The following STK3 variants were observed in gnomAD, a reference collection of about 807,000 sequenced individuals.
STK3 encodes the protein serine/threonine kinase 3.
Under a neutral mutation model 58.0 loss-of-function variants are expected in STK3, and 41 were observed. That is an observed-to-expected ratio of 0.71 (90% CI 0.55 to 0.92). The LOEUF is 0.92. STK3 is among the 40% of genes least tolerant of loss of function. The pLI is 0.00. For synonymous variants in STK3, 170 were observed against 191.0 expected (o/e 0.89, Z 0.91); for missense variants, 479 against 602.7 (o/e 0.79, Z 2.15).
intron 6 of STK3, among the ~76,000 whole-genome samples, chr8:98,632,879 T>C (rs77912007): frequency 0.013 from 1,949 of 152,258 alleles, 33 homozygotes; most frequent in African/African-American, 0.044. Flanking sequence ...TTATTAAATA[T>C]AGATATGTCC....
chr8:98,822,506 G>A (rs1189441088), intron 1 of STK3, among the ~76,000 whole-genome samples: 2 of 151,936 alleles, frequency 1.3e-5, no homozygotes, highest in Non-Finnish European at 2.9e-5. Context: ...CTAAAATTTT[G>A]TAATAAAATA....
intron 6 of STK3, among the ~76,000 whole-genome samples, chr8:98,601,158 C>G (rs1367297768): frequency 6.6e-6 from 1 of 151,970 alleles, no homozygotes; most frequent in African/African-American, 2.4e-5. Flanking sequence ...CTAGGCAACA[C>G]AATGAGATCC....
At chr8:98,637,155 A>G (rs1819688474) in intron 6 of STK3, among the ~76,000 whole-genome samples, 1 of 152,060 alleles carries the variant, frequency 6.6e-6, no homozygotes, top group Admixed American at 6.6e-5. Context: ...TAAAAGTCCA[A>G]ATACTGATCT....
Position 98,593,780 on chromosome 8 carries a change from A to G in STK3, c.822+2252T>C, listed in dbSNP as rs146583886. ...CCTGGTGCCAAAAAGGTTGGGGACA[A>G]CTAATTTAAATCATAACAGATAAGA... is the stretch of plus-strand genomic sequence containing the variant. On this transcript the variant is annotated intron_variant, in intron 7 of 10. Transcript: ENST00000419617. Among the ~76,000 whole-genome samples the G allele has an allele frequency of 9.2e-3, 1,402 of 152,302 alleles. 18 individuals carry two copies. The highest frequency in any genetic ancestry group is 0.032 in the African/African-American group (1,325 of 41,564).
At chr8:98,834,514 G>T (rs1237243404) in intron 3 of STK3, among the ~76,000 whole-genome samples, 1 of 152,210 alleles carries the variant, frequency 6.6e-6, no homozygotes, top group Admixed American at 6.5e-5. Flanking sequence ...ATACATGTTT[G>T]TTGGATAAAT....
intron 7 of STK3, among the ~76,000 whole-genome samples, chr8:98,594,004 C>T (rs1195995056): frequency 6.6e-6 from 1 of 152,112 alleles, no homozygotes; most frequent in Non-Finnish European, 1.5e-5. Context: ...CTTTGGACTA[C>T]TTTAAAATAC....
At chr8:98,573,309 G>C (rs928291147) in intron 8 of STK3, among the ~76,000 whole-genome samples, 1 of 152,190 alleles carries the variant, frequency 6.6e-6, no homozygotes, top group Non-Finnish European at 1.5e-5. Context: ...TTGATTCACA[G>C]TTCCACATGG....
upstream of STK3, among the ~76,000 whole-genome samples, chr8:98,828,309 C>T (rs1455150327): frequency 5.3e-5 from 8 of 151,668 alleles, no homozygotes; most frequent in African/African-American, 1.2e-4. Flanking sequence ...TCAGAGAAAC[C>T]TCTTGAGGAA....
At chr8:98,477,575 A>G (rs1169313505) in intron 10 of STK3, among the ~76,000 whole-genome samples, 1 of 151,510 alleles carries the variant, frequency 6.6e-6, no homozygotes, top group East Asian at 1.9e-4. Flanking sequence ...TCATTCAGCC[A>G]TTTCCTATCT....
chr8:98,455,866 C>A lies in STK3; in HGVS notation c.1452G>T (p.Lys484Asn). 1.2e-6 allele frequency: 2 copies of A among 1,613,700 alleles called. No individual in the cohort carries two copies. The highest frequency in any genetic ancestry group is 1.7e-6 in the Non-Finnish European group (2 of 1,179,788). The change falls in exon 11 of 11, where the codon AAG becomes AAT. Residue 484 changes from lysine (K) to asparagine (N), a missense_variant. Physicochemically the swap from Lys to Asn is moderately conservative, Grantham distance 94. Around this residue, in one of 3 missense-constraint regions of STK3, gnomAD observed 309 missense variants for 355.7 expected, o/e 0.87. Coordinates refer to ENST00000419617, the MANE Select transcript of STK3 (RefSeq NM_006281.4). ...CTCAAAAGTTTTGCTGCCTTCTTTT[C>A]TTTGCATCCATCGCATCCAGAATGG... Reference protein sequence around the residue: ...RQPILDAMDAKKRRQQNF With the variant: ...RQPILDAMDANKRRQQNF
intron 10 of STK3, among the ~76,000 whole-genome samples, chr8:98,504,963 T>C (rs1396368227): frequency 1.3e-5 from 2 of 152,246 alleles, no homozygotes; most frequent in Non-Finnish European, 2.9e-5. Flanking sequence ...GAAGTTCTCC[T>C]GGATAATATC....
intron 6 of STK3, among the ~76,000 whole-genome samples, chr8:98,685,390 C>T (rs1412014979): frequency 6.6e-6 from 1 of 152,174 alleles, no homozygotes; most frequent in Non-Finnish European, 1.5e-5. Context: ...TGCCTCTTTC[C>T]TGTGTAAGTA....
At chr8:98,880,153 G>C (rs1837741928), downstream of STK3, 1 of 152,202 alleles carries the variant, frequency 6.6e-6, no homozygotes, top group Non-Finnish European at 1.5e-5. Context: ...AGCTACTCGG[G>C]AGGCTGAGGC....
intron 10 of STK3, among the ~76,000 whole-genome samples, chr8:98,456,539 T>C (rs1819501085): frequency 6.6e-6 from 1 of 152,204 alleles, no homozygotes; most frequent in Non-Finnish European, 1.5e-5. Flanking sequence ...ATAGGCCTGG[T>C]GGGGCCCCAA....
At chr8:98,935,925 ATT>A (rs112873131) in intron 1 of STK3, among the ~76,000 whole-genome samples, 2 of 150,672 alleles carry the variant, frequency 1.3e-5, no homozygotes, top group South Asian at 2.1e-4. Context: ...TTATTTATTT[ATT>A]TTTTTTTGAG....
chr8:98,876,969 T>C (rs1016170960), intron 3 of STK3, among the ~76,000 whole-genome samples: 1 of 152,232 alleles, frequency 6.6e-6, no homozygotes, highest in Non-Finnish European at 1.5e-5. Context: ...GAAAATTTTG[T>C]TCCGCCCAGA....
At chr8:98,628,262 T>A (rs936324630) in intron 6 of STK3, among the ~76,000 whole-genome samples, 3 of 152,178 alleles carry the variant, frequency 2.0e-5, no homozygotes, top group African/African-American at 7.2e-5. Flanking sequence ...TCCTCTCTTT[T>A]CAATTTTCCA....
At position 98,547,812 on chromosome 8, in the gene STK3, A is replaced by T. The variant is rs1810830341; in HGVS notation, c.1141+157T>A. 2.0e-5 allele frequency: 11 copies of T among 539,636 alleles called. No individual in the cohort carries two copies. In the East Asian group the frequency reaches 3.9e-4, roughly 19 times the overall value. The allele number at this position is 539,636 out of a possible 1,614,324, so 33.4% of individuals were successfully genotyped here. Reference sequence around the variant, plus strand: ...GCTATATTAAAATACAATTTTAAAAAGGTGACTTGTGCCATACTCTTTTTT... The same window carrying T: ...GCTATATTAAAATACAATTTTAAAATGGTGACTTGTGCCATACTCTTTTTT... On this transcript the variant is annotated intron_variant, in intron 9 of 10. Coordinates refer to ENST00000419617, the MANE Select transcript of STK3 (RefSeq NM_006281.4).
intron 10 of STK3, among the ~76,000 whole-genome samples, chr8:98,458,334 T>G (rs1819668719): frequency 6.6e-6 from 1 of 152,190 alleles, no homozygotes; most frequent in African/African-American, 2.4e-5. Context: ...TCCATTTGTG[T>G]CATGCATGAT....
Sources: allele counts gnomAD v4.1 joint callset (sites outside exome capture counted in the v4.1 genomes callset), GRCh38; gene constraint gnomAD v4.1.1; regional missense constraint gnomAD v4.1.1; transcripts MANE v1.5; gene names NCBI Gene and HGNC (gene_info 2026-07-23, HGNC 2026-07-21).